The following CD200R1L variants were observed in gnomAD, a reference collection of about 807,000 sequenced individuals.
CD200R1L encodes cell surface glycoprotein CD200 receptor 2.
In CD200R1L, 14 loss-of-function variants were observed where a neutral mutation model predicts 24.8. The observed-to-expected ratio is 0.56, with a 90% CI of 0.37 to 0.88. The LOEUF is 0.88. CD200R1L is among the 40% of genes least tolerant of loss of function. The probability of loss-of-function intolerance (pLI) is 0.00; values close to 1 mark genes in which losing one functional copy is unlikely to be tolerated. For missense variants in CD200R1L, 299 were observed against 297.8 expected (o/e 1.00, Z -0.03); for synonymous variants, 111 against 109.2 (o/e 1.02, Z -0.11).
chr3:112,842,897 C>T (rs771171145), intron 2 of CD200R1L, among the ~76,000 whole-genome samples: 16 of 152,264 alleles, frequency 1.1e-4, no homozygotes, highest in East Asian at 5.8e-4. Flanking sequence ...ATACATGCAC[C>T]GCTGAACATA....
chr3:112,824,817 A>C (rs1026586199), intron 6 of CD200R1L, among the ~76,000 whole-genome samples: 5 of 152,220 alleles, frequency 3.3e-5, no homozygotes, highest in Admixed American at 1.3e-4. Flanking sequence ...GCTAACCAAA[A>C]TTCAAGGCAA....
chr3:112,829,616 G>A, intron 3 of CD200R1L: 1 of 887,106 alleles, frequency 1.1e-6, no homozygotes, highest in Non-Finnish European at 1.4e-6. Flanking sequence ...TCTCATTCAT[G>A]AGATGCTTTG....
chr3:112,827,630 G>A lies in CD200R1L; in HGVS notation c.104C>T (p.Pro35Leu), dbSNP rs756758976. ...MDINAVLCCP[P>L]IALRNLIIIT... Reference sequence around the variant, plus strand: ...TATGATCAAATTTCTTAATGCGATAGGAGGGCAACAAAGCACAGCATTTAT... The same window carrying A: ...TATGATCAAATTTCTTAATGCGATAAGAGGGCAACAAAGCACAGCATTTAT... Residue 35 changes from proline to leucine, a missense_variant, in exon 5 of 8, where the codon CCT (proline) becomes CTT (leucine). By Grantham distance (98) the Pro-to-Leu change is moderately conservative. Transcript: ENST00000488794. 8 of 1,613,894 alleles carry A rather than the reference G, an allele frequency of 5.0e-6. 1 individual carries two copies. The South Asian group carries it at 6.6e-5, about 13-fold the overall frequency.
At chr3:112,832,921 A>G (rs142171626) in intron 3 of CD200R1L, among the ~76,000 whole-genome samples, 2 of 152,374 alleles carry the variant, frequency 1.3e-5, no homozygotes, top group East Asian at 1.9e-4. Context: ...TTGGTCTACT[A>G]TATTGATGAC....
chr3:112,840,499 T>C (rs1422684560), intron 2 of CD200R1L, among the ~76,000 whole-genome samples: 1 of 152,170 alleles, frequency 6.6e-6, no homozygotes, highest in Non-Finnish European at 1.5e-5. Context: ...GCTAACACAT[T>C]CATAAGAATG....
intron 6 of CD200R1L, 87 bp from the exon 7 acceptor site, chr3:112,819,982 ATATTCTTAAGAG>A: frequency 7.7e-7 from 1 of 1,299,964 alleles, no homozygotes; most frequent in Non-Finnish European, 1.0e-6. Context: ...ACATTTTAAA[ATATTCTTAAGAG>A]TTCATGGACT....
intron 1 of CD200R1L, among the ~76,000 whole-genome samples, 164 bp from the exon 2 acceptor site, chr3:112,846,114 T>C (rs1939197584): frequency 6.6e-6 from 1 of 152,184 alleles, no homozygotes; most frequent in African/African-American, 2.4e-5. Context: ...GTTTGATGAA[T>C]TTCTACCTAT....
At chr3:112,839,940 T>C (rs1036950448) in intron 2 of CD200R1L, among the ~76,000 whole-genome samples, 2 of 152,176 alleles carry the variant, frequency 1.3e-5, no homozygotes, top group African/African-American at 4.8e-5. Context: ...TAACTAGACT[T>C]GAGTCCCTGC....
At chr3:112,832,475 C>T (rs959640993) in intron 3 of CD200R1L, among the ~76,000 whole-genome samples, 1 of 152,026 alleles carries the variant, frequency 6.6e-6, no homozygotes, top group Non-Finnish European at 1.5e-5. Context: ...TCCCCCAAAC[C>T]ACCCCCCTTG....
chr3:112,834,953 G>T (rs7628337), intron 3 of CD200R1L, among the ~76,000 whole-genome samples: 2 of 152,078 alleles, frequency 1.3e-5, no homozygotes, highest in Non-Finnish European at 2.9e-5. Context: ...AGCCCTAAAA[G>T]GGTGTCACAG....
At chr3:112,836,653 A>G (rs941557407) in intron 3 of CD200R1L, among the ~76,000 whole-genome samples, 1 of 152,204 alleles carries the variant, frequency 6.6e-6, no homozygotes, top group African/African-American at 2.4e-5. Flanking sequence ...CATATACTGA[A>G]CAGTTTGTGA....
At chr3:112,839,633 T>A (rs1240080771) in intron 2 of CD200R1L, among the ~76,000 whole-genome samples, 1 of 152,210 alleles carries the variant, frequency 6.6e-6, no homozygotes, top group Non-Finnish European at 1.5e-5. Context: ...ACAAATTGAA[T>A]TCCTAACCTG....
chr3:112,823,918 C>CA (rs1180171829), intron 6 of CD200R1L, among the ~76,000 whole-genome samples: 48 of 11,912 alleles, frequency 4.0e-3, no homozygotes, highest in Admixed American at 0.016. Flanking sequence ...TAGTGAAGCG[C>CA]AAGGCAGGTT....
intron 6 of CD200R1L, among the ~76,000 whole-genome samples, chr3:112,821,480 C>G (rs527809571): frequency 6.6e-6 from 1 of 152,208 alleles, no homozygotes; most frequent in East Asian, 1.9e-4. Flanking sequence ...TCTGTGTTCA[C>G]CTTATCATAA....
chr3:112,817,081 T>C (rs1938413542), intron 7 of CD200R1L, among the ~76,000 whole-genome samples: 1 of 152,000 alleles, frequency 6.6e-6, no homozygotes, highest in African/African-American at 2.4e-5. Flanking sequence ...TAACAAGCAA[T>C]CTCTGCCGCA....
At chr3:112,824,383 C>G (rs981944851) in intron 6 of CD200R1L, among the ~76,000 whole-genome samples, 13 of 152,092 alleles carry the variant, frequency 8.5e-5, no homozygotes, top group Non-Finnish European at 1.8e-4. Context: ...AGTAGAGGTG[C>G]CCTTGATGCA....
intron 2 of CD200R1L, among the ~76,000 whole-genome samples, chr3:112,839,883 A>C: frequency 6.6e-6 from 1 of 152,220 alleles, no homozygotes; most frequent in Middle Eastern, 3.4e-3. Flanking sequence ...GACACTTTCT[A>C]TTCTCCTCAG....
At chr3:112,826,418 G>A (rs78372263) in intron 6 of CD200R1L, among the ~76,000 whole-genome samples, 3,619 of 152,136 alleles carry the variant, frequency 0.024, 144 homozygotes, top group African/African-American at 0.083. Context: ...ATTAAATACT[G>A]TTCAAGTTCA....
intron 6 of CD200R1L, 109 bp downstream of exon 6, chr3:112,826,884 T>C: frequency 7.8e-7 from 1 of 1,274,728 alleles, no homozygotes; most frequent in South Asian, 1.5e-5. Context: ...GAGAATATTT[T>C]CAAGCTAGGA....
Sources: gnomAD v4.1 joint callset for allele counts (sites outside exome capture counted in the v4.1 genomes callset) on GRCh38, gnomAD v4.1.1 for gene constraint, MANE v1.5 for transcripts, NCBI Gene and HGNC (gene_info 2026-07-23, HGNC 2026-07-21) for gene names.